GPHN: variants seen among roughly 807,000 people sequenced by gnomAD.
The protein encoded by GPHN is gephyrin.
Under a neutral mutation model 95.5 loss-of-function variants are expected in GPHN, and 17 were observed. The ratio of observed to expected loss-of-function variants is 0.18; its 90% CI spans 0.12 to 0.27. The LOEUF (loss-of-function observed/expected upper bound fraction) is 0.27. Among genes scored for constraint, GPHN ranks in the 10% least tolerant of loss-of-function variants. GPHN has a pLI of 1.00. For missense variants in GPHN, 660 were observed against 978.1 expected (o/e 0.67, Z 4.34); for synonymous variants, 320 against 322.5 (o/e 0.99, Z 0.08).
the GPHN span, chr14:67,686,066 T>A: frequency 6.6e-6 from 1 of 152,196 alleles, no homozygotes; most frequent in Admixed American, 6.5e-5. Flanking sequence ...TCCCTCTCCA[T>A]AATTCTATGG....
At chr14:67,585,632 G>A in the GPHN span, 1 of 1,574,310 alleles carries the variant, frequency 6.4e-7, no homozygotes, top group Non-Finnish European at 8.6e-7. Flanking sequence ...GATGGCGTCA[G>A]CATCCTGGAC....
At chr14:66,777,116 C>T (rs1301987393) in intron 3 of GPHN, among the ~76,000 whole-genome samples, 8 of 150,244 alleles carry the variant, frequency 5.3e-5, no homozygotes, top group Admixed American at 2.0e-4. Context: ...ATCAAATAGA[C>T]GCAATAAAAA....
At chr14:67,269,940 G>C in the GPHN span, 1 of 152,248 alleles carries the variant, frequency 6.6e-6, no homozygotes, top group Non-Finnish European at 1.5e-5. Flanking sequence ...ACTTGCTGGA[G>C]AAAGAGGGGA....
At chr14:67,341,849 C>A in the GPHN span, among the ~76,000 whole-genome samples, 2 of 152,150 alleles carry the variant, frequency 1.3e-5, no homozygotes, top group African/African-American at 4.8e-5. Flanking sequence ...AAGAAAAATT[C>A]TTCTGCTTTG....
chr14:66,570,582 A>G (rs2060647626), intron 1 of GPHN, among the ~76,000 whole-genome samples: 1 of 126,756 alleles, frequency 7.9e-6, no homozygotes, highest in Admixed American at 7.9e-5. Flanking sequence ...CCGAGATTAC[A>G]GGCATGATCA....
At chr14:67,126,314 T>C (rs1052990445) in intron 17 of GPHN, among the ~76,000 whole-genome samples, 4 of 152,168 alleles carry the variant, frequency 2.6e-5, no homozygotes, top group African/African-American at 4.8e-5. Flanking sequence ...TTTCCTGAGA[T>C]TGACAATCCA....
chr14:67,072,188 TA>T (rs1163176186), intron 11 of GPHN, among the ~76,000 whole-genome samples: 5 of 152,108 alleles, frequency 3.3e-5, no homozygotes, highest in Non-Finnish European at 5.9e-5. Context: ...TGTTTTAAGT[TA>T]AAATGGAAAA....
intron 3 of GPHN, among the ~76,000 whole-genome samples, chr14:66,793,322 T>C (rs2060041304): frequency 1.3e-5 from 2 of 152,170 alleles, no homozygotes; most frequent in Admixed American, 1.3e-4. Flanking sequence ...ATGTAATATA[T>C]TTGACAGGGA....
At chr14:66,897,166 A>G (rs907190475) in intron 5 of GPHN, among the ~76,000 whole-genome samples, 8 of 152,176 alleles carry the variant, frequency 5.3e-5, no homozygotes, top group South Asian at 2.1e-4. Flanking sequence ...TTACAAAACT[A>G]TAGTACAAAA....
At chr14:66,598,416 G>A (rs2062074725) in intron 1 of GPHN, among the ~76,000 whole-genome samples, 1 of 152,174 alleles carries the variant, frequency 6.6e-6, no homozygotes, top group South Asian at 2.1e-4. Flanking sequence ...GAGACTCTGA[G>A]AAAGGCATTA....
At chr14:66,589,821 C>G (rs1595112411) in intron 1 of GPHN, among the ~76,000 whole-genome samples, 1 of 152,200 alleles carries the variant, frequency 6.6e-6, no homozygotes, top group East Asian at 1.9e-4. Context: ...CAGCTCTGGA[C>G]CAAGCGGACC....
At chr14:67,448,421 C>A in the GPHN span, among the ~76,000 whole-genome samples, 1 of 152,010 alleles carries the variant, frequency 6.6e-6, no homozygotes, top group African/African-American at 2.4e-5. Context: ...GTATATTTTA[C>A]CATTTCAGTC....
At chr14:67,225,279 T>G in the GPHN span, 1 of 1,462,828 alleles carries the variant, frequency 6.8e-7, no homozygotes, top group African/African-American at 1.4e-5. Context: ...ACTTTTTAAT[T>G]ATAAGTCTCT....
intron 17 of GPHN, among the ~76,000 whole-genome samples, chr14:67,133,319 A>G (rs2079843350): frequency 6.6e-6 from 1 of 152,134 alleles, no homozygotes; most frequent in Non-Finnish European, 1.5e-5. Context: ...AGTTGGTGTA[A>G]CAGATGAAAC....
intron 4 of GPHN, among the ~76,000 whole-genome samples, chr14:66,835,548 C>T (rs975118292): frequency 8.6e-5 from 13 of 151,660 alleles, no homozygotes; most frequent in Non-Finnish European, 1.8e-4. Flanking sequence ...GACAGGGATG[C>T]CCTCTCTCAC....
At chr14:66,861,711 C>T (rs2063030737) in intron 4 of GPHN, among the ~76,000 whole-genome samples, 1 of 151,964 alleles carries the variant, frequency 6.6e-6, no homozygotes, top group African/African-American at 2.4e-5. Context: ...ACTATACAAA[C>T]ACGTGGAAAT....
rs559688940 is a variant in GPHN, at chr14:66,572,477, T to C, written c.64+63886T>C. On this transcript the variant is annotated intron_variant, in intron 1 of 22. Coordinates refer to ENST00000478722, the MANE Select transcript of GPHN (RefSeq NM_020806.5). ...TTTTTCAATTCCTTGGTTAAATTTA[T>C]TCCTCTGTGTGTGTGTGTGTGTGTG... is the stretch of plus-strand genomic sequence containing the variant. Among the ~76,000 whole-genome samples the C allele has an allele frequency of 3.0e-5, 4 of 131,590 alleles. No homozygotes were observed. In the East Asian group the frequency reaches 9.4e-4, roughly 31 times the overall value. The allele number at this position is 131,590 out of a possible 152,430, so 86.3% of individuals were successfully genotyped here. A position where few individuals can be genotyped will look rare whatever the true frequency, so the allele number is the denominator to read the frequency against.
chr14:67,250,222 C>T, the GPHN span, among the ~76,000 whole-genome samples: 2 of 152,110 alleles, frequency 1.3e-5, no homozygotes, highest in Admixed American at 1.3e-4. Context: ...CGTTCCATAC[C>T]CTCCTACTGG....
At chr14:66,569,057 T>C (rs2060570508) in intron 1 of GPHN, among the ~76,000 whole-genome samples, 1 of 152,194 alleles carries the variant, frequency 6.6e-6, no homozygotes, top group South Asian at 2.1e-4. Flanking sequence ...TGAAATAGTA[T>C]ATATTTTTAT....
Sources: allele counts gnomAD v4.1 joint callset (sites outside exome capture counted in the v4.1 genomes callset), GRCh38; gene constraint gnomAD v4.1.1; transcripts MANE v1.5; gene names NCBI Gene and HGNC (gene_info 2026-07-23, HGNC 2026-07-21).